HAUS6: variants seen among roughly 807,000 people sequenced by gnomAD.
The protein encoded by HAUS6 is HAUS augmin like complex subunit 6, also known as HAUS augmin-like complex subunit 6.
Under a neutral mutation model 106.8 loss-of-function variants are expected in HAUS6, and 80 were observed. That is an observed-to-expected ratio of 0.75 (90% CI 0.63 to 0.90). The LOEUF is 0.90. Among genes scored for constraint, HAUS6 ranks in the 40% least tolerant of loss-of-function variants. The pLI is 0.00. For synonymous variants in HAUS6, 356 were observed against 379.1 expected (o/e 0.94, Z 0.71); for missense variants, 1,155 against 1,118.1 (o/e 1.03, Z -0.47).
At chr9:19,098,392 C>A (rs935166806) in intron 1 of HAUS6, among the ~76,000 whole-genome samples, 1 of 148,552 alleles carries the variant, frequency 6.7e-6, no homozygotes, top group Non-Finnish European at 1.5e-5. Context: ...GAGCCAAGAT[C>A]GCGCCACCGC....
intron 8 of HAUS6, among the ~76,000 whole-genome samples, chr9:19,082,353 T>C (rs758304039): frequency 1.3e-4 from 20 of 152,224 alleles, no homozygotes; most frequent in South Asian, 8.3e-4. Context: ...TACTATATGA[T>C]GTAGTACTGT....
At chr9:19,100,281 G>C (rs1033459031) in intron 1 of HAUS6, among the ~76,000 whole-genome samples, 4 of 152,328 alleles carry the variant, frequency 2.6e-5, no homozygotes, top group Middle Eastern at 3.4e-3. Flanking sequence ...AGGAAGGATC[G>C]CTTGAGCCCA....
chr9:19,057,130 C>T (rs1319572975), intron 16 of HAUS6: 1 of 152,066 alleles, frequency 6.6e-6, no homozygotes, highest in Admixed American at 6.6e-5. Flanking sequence ...ACTGAATACC[C>T]CCAAAAACAT....
chr9:19,062,507 G>C (rs1022915384), intron 14 of HAUS6, among the ~76,000 whole-genome samples: 44 of 152,120 alleles, frequency 2.9e-4, no homozygotes, highest in African/African-American at 9.2e-4. Flanking sequence ...AGCTAAATAA[G>C]TTTATATTAA....
In HAUS6 at chr9:19,080,685, G is replaced by T. The variant is rs776958718; in HGVS notation, c.871-13C>A. The T allele has an allele frequency of 6.5e-7, 1 of 1,549,576 alleles. No individual in the cohort carries two copies. The highest frequency in any genetic ancestry group is 8.8e-7 in the Non-Finnish European group (1 of 1,134,154). On this transcript the variant is annotated splice_polypyrimidine_tract_variant and intron_variant, in intron 8 of 16. Transcript: ENST00000380502. ...TTCCTATGTGCAACTAAGGAATCAG[G>T]AGGAGAAAAAAATTGGTGAACTATA...
Position 19,096,617 on chromosome 9 carries a change from G to A in HAUS6, c.224+57C>T, listed in dbSNP as rs764598950. On this transcript the variant is annotated intron_variant, in intron 2 of 16. Transcript: ENST00000380502. The stretch of plus-strand genomic sequence containing the variant: ...AGAGAATTCTGGCTTGTATCAAAAC[G>A]CTGTCCATTTTCAAATTTGGAAAGA... The A allele has an allele frequency of 1.7e-3, 991 of 589,620 alleles. 2 individuals carry two copies. Among genetic ancestry groups the A allele is most frequent in the Admixed American group, 2.7e-3 (83 of 30,608 alleles). 36.5% of individuals were successfully genotyped at this position (589,620 alleles called of 1,614,324 possible).
chr9:19,060,767 T>C (rs1456684960), intron 14 of HAUS6, among the ~76,000 whole-genome samples: 1 of 152,096 alleles, frequency 6.6e-6, no homozygotes, highest in Admixed American at 6.6e-5. Flanking sequence ...AAAATAGTGC[T>C]CTCTATTAAA....
At chr9:19,090,145 T>C (rs1387014377) in intron 4 of HAUS6, among the ~76,000 whole-genome samples, 2 of 152,188 alleles carry the variant, frequency 1.3e-5, no homozygotes, top group South Asian at 4.2e-4. Flanking sequence ...ACACAACTAA[T>C]GTTAATGAAA....
chr9:19,078,711 C>A (rs1837066838), intron 9 of HAUS6, among the ~76,000 whole-genome samples: 2 of 151,652 alleles, frequency 1.3e-5, no homozygotes, highest in African/African-American at 2.4e-5. Flanking sequence ...TCGCTTGAAC[C>A]CAGGAGGCAG....
At chr9:19,061,125 T>C (rs572810858) in intron 14 of HAUS6, among the ~76,000 whole-genome samples, 1 of 152,232 alleles carries the variant, frequency 6.6e-6, no homozygotes, top group Non-Finnish European at 1.5e-5. Context: ...GATCGTGCCA[T>C]TGCACCCCAG....
At chr9:19,089,931 C>A (rs1817709587) in intron 4 of HAUS6, among the ~76,000 whole-genome samples, 1 of 152,046 alleles carries the variant, frequency 6.6e-6, no homozygotes, top group African/African-American at 2.4e-5. Flanking sequence ...CTTCCGGGTT[C>A]AAGCAATCCT....
At position 19,087,172 on chromosome 9, in the gene HAUS6, C is replaced by G. The variant is rs776482405; in HGVS notation, c.585-16G>C. 7.5e-7 allele frequency: 1 copy of G among 1,330,478 alleles called. No homozygotes were observed. Among genetic ancestry groups the G allele is most frequent in the African/African-American group, 1.5e-5 (1 of 68,642 alleles). 82.4% of individuals were successfully genotyped at this position (1,330,478 alleles called of 1,614,324 possible). Reference sequence around the variant, plus strand: ...AACTGATAATCTGCAAGAAAACATACAAAATGACAACTATAATACCATTAC... The same window carrying G: ...AACTGATAATCTGCAAGAAAACATAGAAAATGACAACTATAATACCATTAC... On this transcript the variant is annotated splice_polypyrimidine_tract_variant and intron_variant, in intron 5 of 16. Transcript: ENST00000380502.
Position 19,087,170 on chromosome 9 carries a change from T to C in HAUS6, c.585-14A>G, listed in dbSNP as rs775602317. On this transcript the variant is annotated splice_polypyrimidine_tract_variant and intron_variant, in intron 5 of 16. Transcript: ENST00000380502. ...TTAACTGATAATCTGCAAGAAAACA[T>C]ACAAAATGACAACTATAATACCATT... is the stretch of plus-strand genomic sequence containing the variant. 6 of 1,369,732 alleles carry C rather than the reference T, an allele frequency of 4.4e-6. No homozygotes were observed. Among genetic ancestry groups the C allele is most frequent in the Non-Finnish European group, 5.2e-6 (5 of 958,620 alleles). The allele number at this position is 1,369,732 out of a possible 1,614,324, so 84.8% of individuals were successfully genotyped here.
intron 12 of HAUS6, among the ~76,000 whole-genome samples, chr9:19,066,830 C>CAAAAAAAAAA (rs71333078): frequency 1.2e-5 from 1 of 82,100 alleles, no homozygotes. Flanking sequence ...CTCATCTCTA[C>CAAAAAAAAAA]AAAAAAAAAA....
chr9:19,076,586 T>C lies in HAUS6; in HGVS notation c.1294+16A>G. On this transcript the variant is annotated intron_variant, in intron 11 of 16. Coordinates refer to ENST00000380502, the MANE Select transcript of HAUS6 (RefSeq NM_017645.5). ...GAAGGAGGTTTCAAAGAGAAAAAAA[T>C]AAATAAATAACCAACCTGGAAGTGA... is the stretch of plus-strand genomic sequence containing the variant. 8.4e-7 allele frequency: 1 copy of C among 1,196,760 alleles called. No homozygotes were observed. Among genetic ancestry groups the C allele is most frequent in the Non-Finnish European group, 1.2e-6 (1 of 812,232 alleles). 74.1% of individuals were successfully genotyped at this position (1,196,760 alleles called of 1,614,324 possible).
In HAUS6 at chr9:19,056,185, C is replaced by G. The variant is rs1033749088; in HGVS notation, c.*158G>C. ...AAAAATCCAAACATACTTTCCTTACCTAAAAATATTAAAGAAGGCTAAAAG... is the reference window on the plus strand; with the variant it reads ...AAAAATCCAAACATACTTTCCTTACGTAAAAATATTAAAGAAGGCTAAAAG... On this transcript the variant is annotated 3_prime_UTR_variant, in exon 17 of 17. Coordinates refer to ENST00000380502, the MANE Select transcript of HAUS6 (RefSeq NM_017645.5). 3.9e-6 allele frequency: 2 copies of G among 511,166 alleles called. No homozygotes were observed. Among genetic ancestry groups the G allele is most frequent in the African/African-American group, 3.8e-5 (2 of 52,250 alleles). 31.7% of individuals were successfully genotyped at this position (511,166 alleles called of 1,614,324 possible).
At position 19,096,707 on chromosome 9, in the gene HAUS6, A is replaced by G. The variant is rs1311860901; in HGVS notation, c.191T>C (p.Val64Ala). ...TTCTTTGGTGAGAGACTGGTCCAGA[A>G]CTTGAAACAAAAAATAAGAAATTAT... The part of the protein sequence containing the change: ...FHIISYFLFQ[V>A]LDQSLTKEVF... The change falls in exon 2 of 17, where the codon GTT becomes GCT. Residue 64 changes from valine to alanine, a missense_variant. Physicochemically the swap from Val to Ala is moderately conservative, Grantham distance 64. This residue lies in a region of HAUS6 where 761 missense variants were observed against 690.0 expected (regional missense o/e 1.10). Transcript: ENST00000380502. 3 of 1,548,752 alleles carry G rather than the reference A, an allele frequency of 1.9e-6. No homozygotes were observed. Among genetic ancestry groups the G allele is most frequent in the South Asian group, 2.4e-5 (2 of 84,044 alleles).
At position 19,058,467 on chromosome 9, in the gene HAUS6, C is replaced by G; in HGVS notation, c.2300G>C (p.Ser767Thr). The part of the protein sequence containing the change: ...FQISSGISSK[S>T]FKDNDFGILH... ...TATGCCAAAATCATTATCTTTAAAA[C>G]TCTTAGAACTAATTCCACTTGATAT... Residue 767 changes from serine to threonine, a missense_variant, in exon 16 of 17, where the codon AGT (serine) becomes ACT (threonine). Coordinates refer to ENST00000380502, the MANE Select transcript of HAUS6 (RefSeq NM_017645.5). 1 of 1,593,430 alleles carries G rather than the reference C, an allele frequency of 6.3e-7. No individual in the cohort carries two copies. Among genetic ancestry groups the G allele is most frequent in the Non-Finnish European group, 8.6e-7 (1 of 1,166,108 alleles).
At chr9:19,077,207 T>C (rs557025579) in intron 10 of HAUS6, among the ~76,000 whole-genome samples, 1 of 152,316 alleles carries the variant, frequency 6.6e-6, no homozygotes, top group Non-Finnish European at 1.5e-5. Flanking sequence ...GTCCTTGAAT[T>C]TCTCAAACAT....
Sources: allele counts gnomAD v4.1 joint callset (sites outside exome capture counted in the v4.1 genomes callset), GRCh38; gene constraint gnomAD v4.1.1; regional missense constraint gnomAD v4.1.1; transcripts MANE v1.5; gene names NCBI Gene and HGNC (gene_info 2026-07-23, HGNC 2026-07-21).